Variants in TLE7 observed in about 807,000 individuals in gnomAD.
TLE7 encodes the protein TLE family member 7.
In TLE7 at chr16:71,431,882, G is replaced by C. The variant is rs906376831; in HGVS notation, c.730C>G (p.Gln244Glu). The C allele has an allele frequency of 7.5e-6, 3 of 400,668 alleles. No homozygotes were observed. Among genetic ancestry groups the C allele is most frequent in the African/African-American group, 2.1e-5 (1 of 48,660 alleles). The allele number at this position is 400,668 out of a possible 1,614,324, so 24.8% of individuals were successfully genotyped here. Residue 244 changes from glutamine (Q) to glutamate (E), a missense_variant, in exon 6 of 10, where the codon CAG becomes GAG. Transcript: ENST00000561754. This position sits in a 1 kb window ranked among gnomAD's most constrained non-coding sequence, Gnocchi z 4.5. ...DLAPTPQVRAQLTSTGPTCYS... is the reference protein window; with the variant it reads ...DLAPTPQVRAELTSTGPTCYS... ...CACGTGGGGCCCGTCGAGGTCAGCT[G>C]TGCCCTGACCTGGGGGGTGGGTGCC...
At position 71,431,358 on chromosome 16, in the gene TLE7, C is replaced by G. The variant is rs903473111; in HGVS notation, c.993+63G>C. ...CCCACCTCTCAAGCTCACACTCCCACCCCTGCCTCCATGCATGGCTCCACT... is the reference window on the plus strand; with the variant it reads ...CCCACCTCTCAAGCTCACACTCCCAGCCCTGCCTCCATGCATGGCTCCACT... On this transcript the variant is annotated intron_variant, in intron 7 of 9. Coordinates refer to ENST00000561754, the MANE Select transcript of TLE7 (RefSeq NM_001367365.2). This position sits in a 1 kb window ranked among gnomAD's most constrained non-coding sequence, Gnocchi z 4.5. The G allele has an allele frequency of 1.3e-5, 5 of 399,624 alleles. No homozygotes were observed. Among genetic ancestry groups the G allele is most frequent in the East Asian group, 3.6e-5 (1 of 28,074 alleles). 24.8% of individuals were successfully genotyped at this position (399,624 alleles called of 1,614,324 possible).
chr16:71,435,598 T>C, intron 1 of TLE7, among the ~76,000 whole-genome samples: 1 of 152,122 alleles, frequency 6.6e-6, no homozygotes, highest in Non-Finnish European at 1.5e-5. Flanking sequence ...TTAGAAACAG[T>C]GGTTGCCTTT....
At chr16:71,437,461 G>GGAGAAGAGAAGAGAAGAGAAGAGAA (rs141786069) in intron 1 of TLE7, among the ~76,000 whole-genome samples, 2 of 150,618 alleles carry the variant, frequency 1.3e-5, no homozygotes, top group African/African-American at 4.9e-5. Flanking sequence ...GAAAGAGAAG[G>GGAGAAGAGAAGAGAAGAGAAGAGAA]GAGAAGAGAA....
chr16:71,439,154 A>C (rs2042837989), intron 1 of TLE7, among the ~76,000 whole-genome samples: 1 of 152,188 alleles, frequency 6.6e-6, no homozygotes, highest in South Asian at 2.1e-4. Context: ...TGACCACTGA[A>C]CTGGAGATTA....
At chr16:71,438,998 C>T (rs1230536700) in intron 1 of TLE7, among the ~76,000 whole-genome samples, 1 of 152,194 alleles carries the variant, frequency 6.6e-6, no homozygotes, top group Non-Finnish European at 1.5e-5. Context: ...ATCAAACACA[C>T]CTGTGCCCCT....
intron 1 of TLE7, among the ~76,000 whole-genome samples, chr16:71,434,323 T>C (rs71403847): frequency 0.1 from 15,345 of 152,236 alleles, 1,074 homozygotes; most frequent in Middle Eastern, 0.22. Context: ...CTTTGAGGAT[T>C]TAAGTAGACC....
At chr16:71,432,474 TTGAAGAAATGACACTGTGAGC>T in intron 4 of TLE7, 149 bp from the exon 5 acceptor site, 1 of 397,684 alleles carries the variant, frequency 2.5e-6, no homozygotes, top group Admixed American at 4.4e-5. Flanking sequence ...GTCACAGCTC[TTGAAGAAATGACACTGTGAGC>T]TGAAGACCCT....
At chr16:71,440,253 A>G (rs765343636) in intron 1 of TLE7, among the ~76,000 whole-genome samples, 8 of 152,206 alleles carry the variant, frequency 5.3e-5, no homozygotes, top group Non-Finnish European at 8.8e-5. Context: ...GGATGACAAA[A>G]AAGTTCTGAA....
intron 1 of TLE7, among the ~76,000 whole-genome samples, chr16:71,434,822 G>A (rs141975044): frequency 3.3e-5 from 5 of 152,256 alleles, no homozygotes; most frequent in East Asian, 1.9e-4. Context: ...GGCAATATCC[G>A]CCATTATTAC....
chr16:71,431,072 G>C lies in TLE7; in HGVS notation c.1147+49C>G, dbSNP rs1033179124. ...GTGAACAGAGAAAGAAGAGACGACA[G>C]CAAGTTCAAAATCGGACACCCAGAG... On this transcript the variant is annotated intron_variant, in intron 8 of 9. Transcript: ENST00000561754. The surrounding 1 kb of genome is among the most constrained non-coding windows in gnomAD (Gnocchi z 4.5). 16 of 400,602 alleles carry C rather than the reference G, an allele frequency of 4.0e-5. No homozygotes were observed. Among genetic ancestry groups the C allele is most frequent in the Non-Finnish European group, 6.2e-5 (14 of 226,266 alleles). 24.8% of individuals were successfully genotyped at this position (400,602 alleles called of 1,614,324 possible).
intron 1 of TLE7, among the ~76,000 whole-genome samples, chr16:71,441,541 C>T (rs2042848341): frequency 6.6e-6 from 1 of 152,254 alleles, no homozygotes; most frequent in African/African-American, 2.4e-5. Flanking sequence ...GTCCAGCCCT[C>T]GCTTGGCCGG....
At position 71,430,250 on chromosome 16, in the gene TLE7, G is replaced by A. The variant is rs1432822810; in HGVS notation, c.*12C>T. 2.5e-6 allele frequency: 1 copy of A among 398,566 alleles called. No homozygotes were observed. Among genetic ancestry groups the A allele is most frequent in the Non-Finnish European group, 4.4e-6 (1 of 226,134 alleles). 24.7% of individuals were successfully genotyped at this position (398,566 alleles called of 1,614,324 possible). A position where few individuals can be genotyped will look rare whatever the true frequency, so the allele number is the denominator to read the frequency against. On this transcript the variant is annotated 3_prime_UTR_variant, in exon 10 of 10. Transcript: ENST00000561754. ...ACTGGGTCTTCACTGGCAGGACCATGGCATGCCACCTTTAATACAAGAGCT... is the reference window on the plus strand; with the variant it reads ...ACTGGGTCTTCACTGGCAGGACCATAGCATGCCACCTTTAATACAAGAGCT...
chr16:71,432,450 C>A, intron 4 of TLE7, 125 bp from the exon 5 acceptor site: 1 of 397,728 alleles, frequency 2.5e-6, no homozygotes, highest in Non-Finnish European at 4.4e-6. Flanking sequence ...AGAACCTGGC[C>A]CCTGGTTCCC....
intron 5 of TLE7, 47 bp downstream of exon 5, chr16:71,432,063 A>T: frequency 2.5e-6 from 1 of 400,980 alleles, no homozygotes; most frequent in East Asian, 3.6e-5. Flanking sequence ...GTCTCACGTC[A>T]GAGGCCCTGT....
Position 71,438,351 on chromosome 16 carries a change from C to T in TLE7, c.-97+3618G>A, listed in dbSNP as rs577156144. Among the ~76,000 whole-genome samples, 755 of 148,832 alleles carry T rather than the reference C, an allele frequency of 5.1e-3. 2 individuals carry two copies. The highest frequency in any genetic ancestry group is 0.011 in the Middle Eastern group (3 of 274). ...GGCTGAGGCAGGAGAATCACCTGAG[C>T]CCAGGAGGCAGAGCCCTGAAGCAAG... is the stretch of plus-strand genomic sequence containing the variant. On this transcript the variant is annotated intron_variant, in intron 1 of 9. Coordinates refer to ENST00000561754, the MANE Select transcript of TLE7 (RefSeq NM_001367365.2).
At position 71,431,305 on chromosome 16, in the gene TLE7, C is replaced by T; in HGVS notation, c.994-31G>A. 2.5e-6 allele frequency: 1 copy of T among 399,226 alleles called. No homozygotes were observed. 24.7% of individuals were successfully genotyped at this position (399,226 alleles called of 1,614,324 possible). A position where few individuals can be genotyped will look rare whatever the true frequency, so the allele number is the denominator to read the frequency against. ...CGTGGAAGCAGGTTTGAGGTCAGCACTCAAAGTTGCCAACGCCATCCTTTG... is the reference window on the plus strand; with the variant it reads ...CGTGGAAGCAGGTTTGAGGTCAGCATTCAAAGTTGCCAACGCCATCCTTTG... On this transcript the variant is annotated intron_variant, in intron 7 of 9. Coordinates refer to ENST00000561754, the MANE Select transcript of TLE7 (RefSeq NM_001367365.2). This position sits in a 1 kb window ranked among gnomAD's most constrained non-coding sequence, Gnocchi z 4.5.
rs569075485 is a variant in TLE7 at position 71,431,086 on chromosome 16, G to A, written c.1147+35C>T. On this transcript the variant is annotated intron_variant, in intron 8 of 9. Coordinates refer to ENST00000561754, the MANE Select transcript of TLE7 (RefSeq NM_001367365.2). This position sits in a 1 kb window ranked among gnomAD's most constrained non-coding sequence, Gnocchi z 4.5. Reference sequence around the variant, plus strand: ...AAGAGACGACAGCAAGTTCAAAATCGGACACCCAGAGGTGTCACCTGGCTT... The same window carrying A: ...AAGAGACGACAGCAAGTTCAAAATCAGACACCCAGAGGTGTCACCTGGCTT... 11 of 400,694 alleles carry A rather than the reference G, an allele frequency of 2.7e-5. No individual in the cohort carries two copies. The highest frequency in any genetic ancestry group is 1.6e-4 in the African/African-American group (8 of 48,796). The allele number at this position is 400,694 out of a possible 1,614,324, so 24.8% of individuals were successfully genotyped here.
intron 1 of TLE7, among the ~76,000 whole-genome samples, chr16:71,437,742 C>G (rs1046050664): frequency 3.3e-5 from 5 of 152,216 alleles, no homozygotes; most frequent in African/African-American, 1.2e-4. Flanking sequence ...AATCTACTGT[C>G]TCCTCTCCTC....
At chr16:71,438,389 C>T (rs2042834407) in intron 1 of TLE7, among the ~76,000 whole-genome samples, 1 of 137,300 alleles carries the variant, frequency 7.3e-6, no homozygotes, top group Non-Finnish European at 1.5e-5. Context: ...TGCGCCACTC[C>T]ACTCCAGCCT....
Sources: allele counts gnomAD v4.1 joint callset (sites outside exome capture counted in the v4.1 genomes callset), GRCh38; gene constraint gnomAD v4.1.1; non-coding constraint Gnocchi (gnomAD v3.1); transcripts MANE v1.5; gene names NCBI Gene and HGNC (gene_info 2026-07-23, HGNC 2026-07-21).